Variants in CPA6 observed in about 807,000 individuals in gnomAD.
CPA6 encodes carboxypeptidase B.
A neutral mutation model predicts 63.3 loss-of-function variants in CPA6; 58 were observed. The ratio of observed to expected loss-of-function variants is 0.92; its 90% CI spans 0.74 to 1.14. The LOEUF is 1.14. Among genes scored for constraint, CPA6 ranks in the 50% most tolerant of loss-of-function variants. The probability of loss-of-function intolerance (pLI) is 0.00; values close to 1 mark genes in which losing one functional copy is unlikely to be tolerated. For synonymous variants in CPA6, 185 were observed against 179.0 expected (o/e 1.03, Z -0.27); for missense variants, 565 against 526.6 (o/e 1.07, Z -0.71).
At chr8:67,659,136 T>G (rs987120256) in intron 1 of CPA6, among the ~76,000 whole-genome samples, 5 of 152,226 alleles carry the variant, frequency 3.3e-5, no homozygotes, top group African/African-American at 1.2e-4. Flanking sequence ...TTCCTCTCCA[T>G]GCGTTTCTTG....
intron 8 of CPA6, among the ~76,000 whole-genome samples, chr8:67,457,121 A>G (rs1231294535): frequency 1.3e-5 from 2 of 152,214 alleles, no homozygotes; most frequent in Non-Finnish European, 2.9e-5. Context: ...CCAAGTTTGT[A>G]ATTTGTTACA....
At chr8:67,443,740 T>C (rs1480676294) in intron 8 of CPA6, among the ~76,000 whole-genome samples, 1 of 152,210 alleles carries the variant, frequency 6.6e-6, no homozygotes, top group African/African-American at 2.4e-5. Flanking sequence ...TAAAAGTTTA[T>C]AGGATAGATT....
intron 2 of CPA6, among the ~76,000 whole-genome samples, chr8:67,577,869 G>T (rs1213782573): frequency 6.6e-6 from 1 of 152,144 alleles, no homozygotes; most frequent in Non-Finnish European, 1.5e-5. Context: ...AGTCATGTGG[G>T]ATAAGAAATA....
intron 2 of CPA6, among the ~76,000 whole-genome samples, chr8:67,592,699 T>C (rs1814167533): frequency 6.6e-6 from 1 of 152,184 alleles, no homozygotes; most frequent in African/African-American, 2.4e-5. Flanking sequence ...TATTCTCTGA[T>C]GGTAGTTTGT....
chr8:67,674,630 C>T lies in CPA6; in HGVS notation c.117-50379G>A, dbSNP rs572499570. 2.0e-5 allele frequency among the ~76,000 whole-genome samples: 3 copies of T among 152,250 alleles called. No homozygotes were observed. In the South Asian group the frequency reaches 6.2e-4, roughly 32 times the overall value. ...CAGCTTGGAGATTTCTGGAAGAACT[C>T]AAAACAGAGCTATCCTTCGACCCAG... On this transcript the variant is annotated intron_variant, in intron 1 of 10. Coordinates refer to ENST00000297770, the MANE Select transcript of CPA6 (RefSeq NM_020361.5).
rs543412556 is a variant in CPA6 at position 67,491,242 on chromosome 8, T to C, written c.637-6453A>G. ...AGGGAAGTTTTTTTTTTTTTTTTTT[T>C]CAAAGGGGAGCTTAATCTATAAAGA... is the stretch of plus-strand genomic sequence containing the variant. On this transcript the variant is annotated intron_variant, in intron 6 of 10. Transcript: ENST00000297770. Among the ~76,000 whole-genome samples, 180 of 150,600 alleles carry C rather than the reference T, an allele frequency of 1.2e-3. 1 individual carries two copies. Among genetic ancestry groups the C allele is most frequent in the African/African-American group, 3.7e-3 (152 of 40,948 alleles).
At chr8:67,488,917 A>G (rs2128962008) in intron 6 of CPA6, among the ~76,000 whole-genome samples, 1 of 152,270 alleles carries the variant, frequency 6.6e-6, no homozygotes, top group African/African-American at 2.4e-5. Flanking sequence ...CTGAGACTTC[A>G]CAGAAATTGC....
At chr8:67,517,645 G>T (rs143125654) in intron 3 of CPA6, among the ~76,000 whole-genome samples, 111 of 152,260 alleles carry the variant, frequency 7.3e-4, no homozygotes, top group Non-Finnish European at 1.3e-3. Flanking sequence ...TCTAGGCCTT[G>T]CTAGGCTGCT....
intron 2 of CPA6, among the ~76,000 whole-genome samples, chr8:67,620,483 G>T (rs1027292690): frequency 2.0e-5 from 3 of 152,168 alleles, no homozygotes; most frequent in Non-Finnish European, 4.4e-5. Context: ...GGCAACTAAA[G>T]GTCTTCTGGC....
chr8:67,443,018 T>G (rs1204955580), intron 8 of CPA6, among the ~76,000 whole-genome samples: 2 of 151,880 alleles, frequency 1.3e-5, no homozygotes, highest in Non-Finnish European at 2.9e-5. Context: ...CCCTCTCTTT[T>G]CATAGGTTTC....
At chr8:67,654,105 G>A (rs1244567114) in intron 1 of CPA6, among the ~76,000 whole-genome samples, 1 of 152,164 alleles carries the variant, frequency 6.6e-6, no homozygotes, top group African/African-American at 2.4e-5. Flanking sequence ...CTTGATCATG[G>A]TGGATAAGCT....
chr8:67,531,679 A>T (rs750410582), intron 2 of CPA6, among the ~76,000 whole-genome samples: 1 of 152,180 alleles, frequency 6.6e-6, no homozygotes, highest in Non-Finnish European at 1.5e-5. Flanking sequence ...GCATCAAAAT[A>T]TATATGGCAA....
intron 2 of CPA6, among the ~76,000 whole-genome samples, chr8:67,524,304 T>G (rs188172769): frequency 1.8e-4 from 27 of 152,318 alleles, no homozygotes; most frequent in African/African-American, 5.5e-4. Flanking sequence ...ATGAGTTTCC[T>G]AGGGCCGTCA....
intron 1 of CPA6, among the ~76,000 whole-genome samples, chr8:67,741,138 C>T (rs1817905286): frequency 6.6e-6 from 1 of 152,038 alleles, no homozygotes; most frequent in Non-Finnish European, 1.5e-5. Flanking sequence ...AGAAACTGTC[C>T]CAAGACGTGA....
chr8:67,528,760 C>G (rs1259099007), intron 2 of CPA6, among the ~76,000 whole-genome samples: 2 of 151,858 alleles, frequency 1.3e-5, no homozygotes, highest in Non-Finnish European at 2.9e-5. Context: ...ATTTTTGATC[C>G]ACTGTCCAAT....
intron 2 of CPA6, among the ~76,000 whole-genome samples, chr8:67,598,814 A>G (rs957004769): frequency 6.6e-6 from 1 of 152,166 alleles, no homozygotes; most frequent in South Asian, 2.1e-4. Context: ...TCAGACTCCT[A>G]TTTATAAGCC....
chr8:67,544,823 C>T (rs1012405235), intron 2 of CPA6, among the ~76,000 whole-genome samples: 3 of 152,246 alleles, frequency 2.0e-5, no homozygotes, highest in Admixed American at 6.5e-5. Context: ...GAGCTTACTG[C>T]GACTCCCCCT....
intron 8 of CPA6, among the ~76,000 whole-genome samples, chr8:67,475,839 CTTTCT>C (rs1811189138): frequency 1.6e-5 from 1 of 62,130 alleles, no homozygotes; most frequent in Non-Finnish European, 2.9e-5. Flanking sequence ...TTCTTTCTTT[CTTTCT>C]TTCTTTCTTT....
chr8:67,430,352 G>A (rs1008679967), intron 9 of CPA6, among the ~76,000 whole-genome samples: 2 of 151,668 alleles, frequency 1.3e-5, no homozygotes, highest in Non-Finnish European at 2.9e-5. Context: ...GCTAATTTTT[G>A]TATTTTTAGT....
Sources: allele counts gnomAD v4.1 joint callset (sites outside exome capture counted in the v4.1 genomes callset), GRCh38; gene constraint gnomAD v4.1.1; transcripts MANE v1.5; gene names NCBI Gene and HGNC (gene_info 2026-07-23, HGNC 2026-07-21).